The following CNGB1 variants were observed in gnomAD, a reference collection of about 807,000 sequenced individuals.
CNGB1 encodes the protein cyclic nucleotide gated channel subunit beta 1.
In CNGB1, 126 loss-of-function variants were observed where a neutral mutation model predicts 151.7. That is an observed-to-expected ratio of 0.83 (90% CI 0.72 to 0.96). The LOEUF is 0.96. CNGB1 is among the 40% of genes least tolerant of loss of function. CNGB1 has a pLI of 0.00. For synonymous variants in CNGB1, 623 were observed against 635.1 expected, an observed-to-expected ratio of 0.98 and a Z score of 0.29; for missense variants, 1,698 against 1,627.0, an observed-to-expected ratio of 1.04 and a Z score of -0.75.
chr16:57,935,793 G>A (rs946430448), intron 16 of CNGB1, among the ~76,000 whole-genome samples: 1 of 151,538 alleles, frequency 6.6e-6, no homozygotes, highest in African/African-American at 2.4e-5. Flanking sequence ...CTCAATGATA[G>A]GGGTGGGCTG....
intron 31 of CNGB1, among the ~76,000 whole-genome samples, chr16:57,894,716 G>A (rs1960177812): frequency 6.6e-6 from 1 of 152,178 alleles, no homozygotes; most frequent in Non-Finnish European, 1.5e-5. Flanking sequence ...TTGCAGTCAG[G>A]GGGCAATGGG....
chr16:57,957,126 TCTGGGCCAGG>T (rs1380901454), intron 12 of CNGB1, among the ~76,000 whole-genome samples: 1 of 152,178 alleles, frequency 6.6e-6, no homozygotes, highest in East Asian at 1.9e-4. Context: ...ACCATCTGGC[TCTGGGCCAGG>T]CTCTGGCTAC....
rs1346282976 is a variant in CNGB1, at chr16:57,958,349, C to A, written c.837+61G>T. ...AGGGCCAACCATCCTCCTCCTTACCCAAGTTCCCAAGACCCCTCCCACCAC... is the reference window on the plus strand; with the variant it reads ...AGGGCCAACCATCCTCCTCCTTACCAAAGTTCCCAAGACCCCTCCCACCAC... On this transcript the variant is annotated intron_variant, in intron 11 of 32. Coordinates refer to ENST00000251102, the MANE Select transcript of CNGB1 (RefSeq NM_001297.5). 5.5e-6 allele frequency: 6 copies of A among 1,096,540 alleles called. No homozygotes were observed. In the Admixed American group the frequency reaches 1.0e-4, roughly 19 times the overall value. 67.9% of individuals were successfully genotyped at this position (1,096,540 alleles called of 1,614,324 possible). A position where few individuals can be genotyped will look rare whatever the true frequency, so the allele number is the denominator to read the frequency against.
intron 16 of CNGB1, 30 bp downstream of exon 16, chr16:57,939,400 G>A (rs367888215): frequency 3.8e-5 from 61 of 1,613,660 alleles, no homozygotes; most frequent in Middle Eastern, 3.3e-4. Flanking sequence ...ACATTCTTGC[G>A]CAACCCATCA....
rs1961351677 is a variant in CNGB1, at chr16:57,931,611, T to G, written c.1535+105A>C. 23 of 1,321,034 alleles carry G rather than the reference T, an allele frequency of 1.7e-5. No individual in the cohort carries two copies. The South Asian group carries it at 2.9e-4, about 17-fold the overall frequency. The allele number at this position is 1,321,034 out of a possible 1,614,324, so 81.8% of individuals were successfully genotyped here. A position where few individuals can be genotyped will look rare whatever the true frequency, so the allele number is the denominator to read the frequency against. ...CCACTTCTGACACCAACTCGCTGTG[T>G]GATTTTAGTCCAGCTGCTTCTCCCT... On this transcript the variant is annotated intron_variant, in intron 17 of 32. Coordinates refer to ENST00000251102, the MANE Select transcript of CNGB1 (RefSeq NM_001297.5).
chr16:57,950,238 T>C, intron 13 of CNGB1, 143 bp downstream of exon 13: 1 of 963,754 alleles, frequency 1.0e-6, no homozygotes, highest in Non-Finnish European at 1.6e-6. Flanking sequence ...ATTCTACCCA[T>C]GGGAGAAGGA....
chr16:57,888,035 C>G lies in CNGB1; in HGVS notation c.3282G>C (p.Lys1094Asn), dbSNP rs1048461431. 1 of 1,614,018 alleles carries G rather than the reference C, an allele frequency of 6.2e-7. No homozygotes were observed. Among genetic ancestry groups the G allele is most frequent in the Non-Finnish European group, 8.5e-7 (1 of 1,180,010 alleles). Residue 1094 changes from lysine to asparagine, a missense_variant, in exon 32 of 33, where the codon AAG becomes AAC. Lys to Asn is a moderately conservative substitution (Grantham distance 94). Coordinates refer to ENST00000251102, the MANE Select transcript of CNGB1 (RefSeq NM_001297.5). Reference sequence around the variant, plus strand: ...CCCGGGGTGGAAGGATCAGCACGCTCTTCTCCTCCTTGGGCTTATTGTTGC... The same window carrying G: ...CCCGGGGTGGAAGGATCAGCACGCTGTTCTCCTCCTTGGGCTTATTGTTGC... ...LRSNNKPKEE[K>N]SVLILPPRAG...
intron 12 of CNGB1, among the ~76,000 whole-genome samples, chr16:57,953,493 T>TAAAAA (rs61409577): frequency 1.6e-5 from 2 of 122,790 alleles, no homozygotes; most frequent in Admixed American, 8.6e-5. Flanking sequence ...GGCTCAATCT[T>TAAAAA]AAAAAAAAAA....
chr16:57,901,484 G>A, intron 28 of CNGB1, 44 bp downstream of exon 28: 1 of 1,612,392 alleles, frequency 6.2e-7, no homozygotes, highest in Non-Finnish European at 8.5e-7. Context: ...GATTGGGCTT[G>A]GAGCCTCCCA....
chr16:57,940,318 C>A lies in CNGB1; in HGVS notation c.1125G>T (p.Val375=). ...GCGACACCACACAGCTATCCAGCAG[C>A]ACCCTGTGACCCGGGGCGGGGTGGG... ...EEEEEEEVTE[V]LLDSCVVSQV... is the part of the protein sequence containing the mutation. Residue 375 remains valine, a synonymous_variant, in exon 15 of 33, where the codon GTG becomes GTT. Transcript: ENST00000251102. The A allele has an allele frequency of 6.3e-7, 1 of 1,579,696 alleles. No individual in the cohort carries two copies. The highest frequency in any genetic ancestry group is 8.6e-7 in the Non-Finnish European group (1 of 1,162,872).
intron 27 of CNGB1, among the ~76,000 whole-genome samples, chr16:57,903,364 T>G (rs1164267127): frequency 6.6e-6 from 1 of 151,728 alleles, no homozygotes; most frequent in Non-Finnish European, 1.5e-5. Context: ...TGGTGGCACA[T>G]GCCTGTAATC....
chr16:57,940,928 CA>C (rs1380306984), intron 14 of CNGB1, among the ~76,000 whole-genome samples: 1 of 152,048 alleles, frequency 6.6e-6, no homozygotes, highest in African/African-American at 2.4e-5. Context: ...GTGATAGGGC[CA>C]GGGGTGAGGG....
At chr16:57,888,570 G>A (rs1373461919) in intron 31 of CNGB1, among the ~76,000 whole-genome samples, 3 of 151,968 alleles carry the variant, frequency 2.0e-5, no homozygotes, top group Admixed American at 6.6e-5. Flanking sequence ...CATGGCTCAA[G>A]CAATCCTCCC....
At chr16:57,931,517 C>T (rs1427762979) in intron 17 of CNGB1, among the ~76,000 whole-genome samples, 199 bp downstream of exon 17, 2 of 152,064 alleles carry the variant, frequency 1.3e-5, no homozygotes, top group Non-Finnish European at 2.9e-5. Flanking sequence ...TGGGACAGGG[C>T]CTCCCATGAG....
intron 7 of CNGB1, among the ~76,000 whole-genome samples, chr16:57,961,790 A>G (rs1597014380): frequency 6.6e-6 from 1 of 152,344 alleles, no homozygotes; most frequent in South Asian, 2.1e-4. Context: ...AGTAGTGACC[A>G]GGACAAAAGC....
chr16:57,963,078 A>C lies in CNGB1; in HGVS notation c.291-14T>G, dbSNP rs761103847. The C allele has an allele frequency of 6.2e-6, 10 of 1,600,444 alleles. No homozygotes were observed. The highest frequency in any genetic ancestry group is 8.6e-6 in the Non-Finnish European group (10 of 1,169,400). On this transcript the variant is annotated splice_polypyrimidine_tract_variant and intron_variant, in intron 4 of 32. Transcript: ENST00000251102. ...CTGCGGCTGGGACTGCGATGGACAG[A>C]GACACCAGCCCGCCCTCAACTTCCC...
intron 7 of CNGB1, 97 bp from the exon 8 acceptor site, chr16:57,961,012 C>A: frequency 1.8e-6 from 2 of 1,085,370 alleles, no homozygotes; most frequent in South Asian, 1.3e-5. Flanking sequence ...CCATTCCGTG[C>A]CCTCCAATCC....
intron 1 of CNGB1, among the ~76,000 whole-genome samples, chr16:57,969,479 G>T (rs185188678): frequency 6.6e-6 from 1 of 152,022 alleles, no homozygotes; most frequent in Admixed American, 6.6e-5. Context: ...TTAGCCCAGC[G>T]TGGTGGCACG....
intron 29 of CNGB1, among the ~76,000 whole-genome samples, chr16:57,900,759 C>G (rs1171312461): frequency 6.6e-6 from 1 of 152,052 alleles, no homozygotes; most frequent in Non-Finnish European, 1.5e-5. Flanking sequence ...GTGGACCCAG[C>G]GCTGGCAGAT....
Sources: gnomAD v4.1 joint callset for allele counts (sites outside exome capture counted in the v4.1 genomes callset) on GRCh38, gnomAD v4.1.1 for gene constraint, MANE v1.5 for transcripts, NCBI Gene and HGNC (gene_info 2026-07-23, HGNC 2026-07-21) for gene names.